Variants in GAB4 observed in about 807,000 individuals in gnomAD.
The protein encoded by GAB4 is GRB2 associated binding protein family member 4, also known as GRB2-associated-binding protein 4.
A neutral mutation model predicts 51.3 loss-of-function variants in GAB4; 26 were observed. The ratio of observed to expected loss-of-function variants is 0.51; its 90% CI spans 0.37 to 0.70. GAB4 has a LOEUF of 0.70. Among genes scored for constraint, GAB4 ranks in the 30% least tolerant of loss-of-function variants. The pLI, the probability that GAB4 is intolerant of heterozygous loss-of-function variation, is 0.00. For synonymous variants in GAB4, 329 were observed against 291.2 expected, an observed-to-expected ratio of 1.13 and a Z score of -1.32; for missense variants, 759 against 734.6, an observed-to-expected ratio of 1.03 and a Z score of -0.38.
intron 3 of GAB4, among the ~76,000 whole-genome samples, chr22:16,981,102 C>T (rs2060823787): frequency 6.6e-6 from 1 of 151,748 alleles, no homozygotes; most frequent in South Asian, 2.1e-4. Flanking sequence ...TGCGTGTATA[C>T]CTATGTAACA....
At chr22:17,000,891 C>T (rs1325570486) in intron 1 of GAB4, among the ~76,000 whole-genome samples, 1 of 152,150 alleles carries the variant, frequency 6.6e-6, no homozygotes, top group East Asian at 1.9e-4. Context: ...TTCTCCTTCA[C>T]TTATGAAGCT....
intron 1 of GAB4, among the ~76,000 whole-genome samples, chr22:16,996,709 C>T (rs754024909): frequency 5.3e-5 from 8 of 152,024 alleles, no homozygotes; most frequent in Non-Finnish European, 8.8e-5. Flanking sequence ...ATGCGCAAAA[C>T]GTGCAGGTTT....
Position 16,969,971 on chromosome 22 carries a change from G to T in GAB4, c.909C>A (p.Ser303Arg). ...CATTATCCGCCTCAGAGCCTGTGAGGCTGCCTCTGGTGTGGCCATGGGAGG... is the reference window on the plus strand; with the variant it reads ...CATTATCCGCCTCAGAGCCTGTGAGTCTGCCTCTGGTGTGGCCATGGGAGG... ...SLASHGHTRG[S>R]LTGSEADNEA... Residue 303 changes from serine to arginine, a missense_variant, in exon 4 of 10, where the codon AGC becomes AGA. Ser to Arg is a moderately radical substitution (Grantham distance 110). Around this residue, in one of 3 missense-constraint regions of GAB4, gnomAD observed 588 missense variants for 510.2 expected, o/e 1.15. Transcript: ENST00000400588. The T allele has an allele frequency of 6.2e-7, 1 of 1,614,190 alleles. No homozygotes were observed. Among genetic ancestry groups the T allele is most frequent in the Non-Finnish European group, 8.5e-7 (1 of 1,180,032 alleles).
chr22:16,981,241 A>G (rs1440287799), intron 3 of GAB4, among the ~76,000 whole-genome samples: 1 of 151,460 alleles, frequency 6.6e-6, no homozygotes, highest in South Asian at 2.1e-4. Context: ...GTTCAAAAGT[A>G]AGAAAAAACC....
At chr22:16,968,202 T>C (rs2060697427) in intron 5 of GAB4, 96 bp downstream of exon 5, 1 of 866,346 alleles carries the variant, frequency 1.2e-6, no homozygotes. Flanking sequence ...AGGAGGGAGA[T>C]GCTGTCACCC....
chr22:16,987,935 C>T (rs2060881393), intron 3 of GAB4, 25 bp downstream of exon 3: 1 of 1,560,330 alleles, frequency 6.4e-7, no homozygotes, highest in African/African-American at 1.3e-5. Context: ...GGTCACTGCC[C>T]CCACTGGCCA....
intron 3 of GAB4, among the ~76,000 whole-genome samples, chr22:16,976,946 A>C (rs1349842908): frequency 6.6e-6 from 1 of 152,202 alleles, no homozygotes; most frequent in African/African-American, 2.4e-5. Flanking sequence ...GGAGAAATAA[A>C]TTTCTTTACA....
chr22:16,980,679 A>G (rs1050897293), intron 3 of GAB4, among the ~76,000 whole-genome samples: 15 of 152,338 alleles, frequency 9.8e-5, no homozygotes, highest in African/African-American at 3.1e-4. Flanking sequence ...AGGATTATAA[A>G]TCATTCTACT....
chr22:17,006,079 C>T (rs1390309063), intron 1 of GAB4, among the ~76,000 whole-genome samples: 4 of 152,142 alleles, frequency 2.6e-5, no homozygotes, highest in Admixed American at 2.6e-4. Flanking sequence ...TCAGCGTGAA[C>T]AGGCAACCTA....
chr22:16,964,828 T>C lies in GAB4; in HGVS notation c.1414A>G (p.Ile472Val). 4 of 1,613,830 alleles carry C rather than the reference T, an allele frequency of 2.5e-6. No homozygotes were observed. The highest frequency in any genetic ancestry group is 3.4e-6 in the Non-Finnish European group (4 of 1,179,934). The change falls in exon 8 of 10, where the codon ATC (isoleucine) becomes GTC (valine). Residue 472 changes from isoleucine (I) to valine (V), a missense_variant. Around this residue, in one of 3 missense-constraint regions of GAB4, gnomAD observed 588 missense variants for 510.2 expected, o/e 1.15. Coordinates refer to ENST00000400588, the MANE Select transcript of GAB4 (RefSeq NM_001037814.1). ...GTGTTGGTGATGCTCTGCGTGGAGA[T>C]GGGGTGTTGGGAGGAGCTGGAGTCA... ...TFDSSSSQHP[I>V]STQSITNTDS...
chr22:16,986,951 C>T (rs1013545540), intron 3 of GAB4, among the ~76,000 whole-genome samples: 2 of 152,170 alleles, frequency 1.3e-5, no homozygotes, highest in Admixed American at 6.5e-5. Flanking sequence ...GAGTTCAGGA[C>T]AGATGTGAGG....
At chr22:16,968,442 C>G (rs2060701485) in intron 4 of GAB4, 59 bp from the exon 5 acceptor site, 1 of 1,231,528 alleles carries the variant, frequency 8.1e-7, no homozygotes, top group Non-Finnish European at 1.2e-6. Context: ...TGATGCCTCC[C>G]ACGCCCTCCC....
intron 3 of GAB4, among the ~76,000 whole-genome samples, chr22:16,986,817 G>A (rs2060871979): frequency 6.6e-6 from 1 of 152,196 alleles, no homozygotes; most frequent in Admixed American, 6.5e-5. Context: ...GTTCACAAAC[G>A]AAGGAATCGC....
In GAB4 at chr22:17,008,208, T is replaced by C. The variant is rs1226396515; in HGVS notation, c.-94A>G. 16 of 889,254 alleles carry C rather than the reference T, an allele frequency of 1.8e-5. No individual in the cohort carries two copies. The East Asian group carries it at 1.9e-4, about 10-fold the overall frequency. 55.1% of individuals were successfully genotyped at this position (889,254 alleles called of 1,614,324 possible). A position where few individuals can be genotyped will look rare whatever the true frequency, so the allele number is the denominator to read the frequency against. On this transcript the variant is annotated 5_prime_UTR_variant, in exon 1 of 10. Transcript: ENST00000400588. ...GGGACGGCTTGCGATACCCTGGGAC[T>C]GCGGGGTAGAAAGCGCAGTTCTAGG...
At chr22:16,992,605 T>C (rs2060922978) in intron 1 of GAB4, among the ~76,000 whole-genome samples, 1 of 152,232 alleles carries the variant, frequency 6.6e-6, no homozygotes, top group Non-Finnish European at 1.5e-5. Context: ...AGTAAACAAG[T>C]AGCAGAAAAA....
intron 3 of GAB4, among the ~76,000 whole-genome samples, chr22:16,975,489 A>C (rs187419614): frequency 6.6e-6 from 1 of 152,164 alleles, no homozygotes; most frequent in Admixed American, 6.5e-5. Context: ...GACATCTCTG[A>C]AAAAAAGGCT....
chr22:16,962,950 G>A, intron 9 of GAB4, 74 bp from the exon 10 acceptor site: 2 of 1,444,118 alleles, frequency 1.4e-6, no homozygotes, highest in Non-Finnish European at 1.9e-6. Flanking sequence ...GCCAAGGAGT[G>A]GGCTCTCTCA....
At chr22:16,987,299 C>T (rs1403448187) in intron 3 of GAB4, among the ~76,000 whole-genome samples, 2 of 152,196 alleles carry the variant, frequency 1.3e-5, no homozygotes, top group African/African-American at 4.8e-5. Context: ...CTGGGAATAA[C>T]AGGTGATAAA....
At chr22:17,003,343 A>G (rs753385885) in intron 1 of GAB4, among the ~76,000 whole-genome samples, 1 of 152,208 alleles carries the variant, frequency 6.6e-6, no homozygotes, top group Non-Finnish European at 1.5e-5. Context: ...ATAGACATCT[A>G]CAGAGCTCCC....
Sources: allele counts gnomAD v4.1 joint callset (sites outside exome capture counted in the v4.1 genomes callset), GRCh38; gene constraint gnomAD v4.1.1; regional missense constraint gnomAD v4.1.1; transcripts MANE v1.5; gene names NCBI Gene and HGNC (gene_info 2026-07-23, HGNC 2026-07-21).